Variants in RAD50 observed in about 807,000 individuals in gnomAD.
RAD50 encodes RAD50 double strand break repair protein.
Under a neutral mutation model 168.8 loss-of-function variants are expected in RAD50, and 132 were observed. The ratio of observed to expected loss-of-function variants is 0.78; its 90% CI spans 0.68 to 0.90. The LOEUF is 0.90. Among genes scored for constraint, RAD50 ranks in the 40% least tolerant of loss-of-function variants. The pLI is 0.00. For missense variants in RAD50, 1,347 were observed against 1,534.4 expected (o/e 0.88, Z 2.04); for synonymous variants, 525 against 497.4 (o/e 1.06, Z -0.74).
chr5:132,607,547 T>A (rs1316228758), intron 16 of RAD50, among the ~76,000 whole-genome samples: 2 of 152,158 alleles, frequency 1.3e-5, no homozygotes. Flanking sequence ...TTTTATTAAA[T>A]TTTAGATTAC....
rs28903088 is a variant in RAD50, at chr5:132,579,981, G to A, written c.671G>A (p.Arg224His). 1,468 of 1,612,824 alleles carry A rather than the reference G, an allele frequency of 9.1e-4. 2 individuals carry two copies. Among genetic ancestry groups the A allele is most frequent in the Non-Finnish European group, 1.1e-3 (1,258 of 1,179,064 alleles). Residue 224 changes from arginine to histidine, a missense_variant, in exon 5 of 25, where the codon CGT becomes CAT. By Grantham distance (29) the Arg-to-His change is conservative (BLOSUM62 0). This residue lies in a region of RAD50 where 703 missense variants were observed against 767.7 expected (regional missense o/e 0.92). Transcript: ENST00000378823. ...TATAAGGAAAAAGCTTGTGAGATTC[G>A]TGATCAGATTACAAGTAAGGAAGCC... is the stretch of plus-strand genomic sequence containing the variant. Reference protein sequence around the residue: ...KQYKEKACEIRDQITSKEAQL... With the variant: ...KQYKEKACEIHDQITSKEAQL...
At chr5:132,591,086 G>GT (rs138231496) in intron 9 of RAD50, 138 bp from the exon 10 acceptor site, 5 of 866,396 alleles carry the variant, frequency 5.8e-6, no homozygotes, top group Admixed American at 2.2e-5. Context: ...AGTGCCTTAT[G>GT]TTTTTTTCTC....
In RAD50 at chr5:132,603,977, A is replaced by G; in HGVS notation, c.2455A>G (p.Ile819Val). The change falls in exon 15 of 25, where the codon ATA becomes GTA. Residue 819 changes from isoleucine (I) to valine (V), a missense_variant. Physicochemically the swap from Ile to Val is conservative, Grantham distance 29. Coordinates refer to ENST00000378823, the MANE Select transcript of RAD50 (RefSeq NM_005732.4). ...IAQQAAKLQG[I>V]DLDRTVQQVN... ...ACAACAAGCAGCTAAGCTACAAGGA[A>G]TAGACTTAGATCGAACTGTCCAACA... The G allele has an allele frequency of 6.2e-7, 1 of 1,612,700 alleles. No homozygotes were observed. Among genetic ancestry groups the G allele is most frequent in the Non-Finnish European group, 8.5e-7 (1 of 1,178,764 alleles).
chr5:132,619,422 CAG>C (rs71644647), intron 21 of RAD50, among the ~76,000 whole-genome samples: 26,270 of 151,884 alleles, frequency 0.17, 2,554 homozygotes, highest in Middle Eastern at 0.24. Context: ...TGTTTTGGGA[CAG>C]AGTCTCTCTT....
At chr5:132,593,468 C>T (rs1454742387) in intron 11 of RAD50, 1 of 152,112 alleles carries the variant, frequency 6.6e-6, no homozygotes, top group Non-Finnish European at 1.5e-5. Flanking sequence ...TAATTTAGGC[C>T]TCTTGTCCCT....
chr5:132,630,043 CTTT>C (rs753085121), intron 21 of RAD50, among the ~76,000 whole-genome samples: 3 of 141,252 alleles, frequency 2.1e-5, no homozygotes, highest in African/African-American at 2.6e-5. Context: ...TTAGGTAATA[CTTT>C]TTTTTTTTTT....
intron 8 of RAD50, 58 bp downstream of exon 8, chr5:132,588,938 A>G: frequency 6.6e-7 from 1 of 1,524,760 alleles, no homozygotes; most frequent in Non-Finnish European, 9.0e-7. Context: ...CTCTACTTGA[A>G]TTGTTTTAAT....
At chr5:132,582,220 A>G (rs1750517040) in intron 5 of RAD50, among the ~76,000 whole-genome samples, 1 of 152,212 alleles carries the variant, frequency 6.6e-6, no homozygotes, top group African/African-American at 2.4e-5. Flanking sequence ...GGATTTAGTG[A>G]GTGGTGCCAA....
chr5:132,630,929 A>G (rs1751452474), intron 21 of RAD50: 1 of 152,198 alleles, frequency 6.6e-6, no homozygotes, highest in African/African-American at 2.4e-5. Context: ...GGCAGGCTGG[A>G]CAAGCTTGTT....
intron 21 of RAD50, among the ~76,000 whole-genome samples, chr5:132,635,004 C>T (rs1308968561): frequency 6.6e-6 from 1 of 151,996 alleles, no homozygotes; most frequent in Non-Finnish European, 1.5e-5. Context: ...TATGTTTCTC[C>T]TTGCTGTGTC....
chr5:132,590,613 A>G (rs1206970165), intron 9 of RAD50, among the ~76,000 whole-genome samples: 1 of 152,164 alleles, frequency 6.6e-6, no homozygotes, highest in Non-Finnish European at 1.5e-5. Context: ...CTTTTCAGGT[A>G]TTTCCATATT....
intron 1 of RAD50, 108 bp from the exon 2 acceptor site, chr5:132,559,176 T>A: frequency 1.8e-6 from 2 of 1,099,362 alleles, no homozygotes; most frequent in Non-Finnish European, 2.5e-6. Flanking sequence ...TCAGATTTTA[T>A]CTTTTATAGT....
chr5:132,621,037 T>G (rs1041802706), intron 21 of RAD50, among the ~76,000 whole-genome samples: 4 of 152,186 alleles, frequency 2.6e-5, no homozygotes, highest in Non-Finnish European at 4.4e-5. Context: ...TAGACCCACA[T>G]GGTTCAAACC....
At chr5:132,608,916 G>C (rs1159569061) in intron 17 of RAD50, among the ~76,000 whole-genome samples, 191 bp downstream of exon 17, 3 of 152,144 alleles carry the variant, frequency 2.0e-5, no homozygotes, top group African/African-American at 7.2e-5. Flanking sequence ...TTTGCTGCTT[G>C]ATCTACAATA....
rs761802581 is a variant in RAD50, at chr5:132,575,818, A to G, written c.255A>G (p.Gln85=). ...ATGTGAGAGCCCAGATTCGTCTGCAATTTCGTGATGTCAATGGAGAACTTA... is the reference window on the plus strand; with the variant it reads ...ATGTGAGAGCCCAGATTCGTCTGCAGTTTCGTGATGTCAATGGAGAACTTA... The part of the protein sequence containing the change: ...ETDVRAQIRL[Q]FRDVNGELIA... Residue 85 remains glutamine, a synonymous_variant, in exon 3 of 25, where the codon CAA becomes CAG. Coordinates refer to ENST00000378823, the MANE Select transcript of RAD50 (RefSeq NM_005732.4). 4 of 1,602,112 alleles carry G rather than the reference A, an allele frequency of 2.5e-6. No homozygotes were observed. Among genetic ancestry groups the G allele is most frequent in the Admixed American group, 3.3e-5 (2 of 59,986 alleles).
intron 21 of RAD50, among the ~76,000 whole-genome samples, chr5:132,629,806 C>A (rs1011956421): frequency 6.6e-6 from 1 of 152,148 alleles, no homozygotes; most frequent in African/African-American, 2.4e-5. Context: ...TGATTACCAT[C>A]TGTTATTAGT....
At chr5:132,599,644 A>C (rs751652702) in intron 13 of RAD50, among the ~76,000 whole-genome samples, 4 of 152,046 alleles carry the variant, frequency 2.6e-5, no homozygotes, top group Non-Finnish European at 4.4e-5. Context: ...CGAAGCCTCG[A>C]ACTCCTAAGC....
chr5:132,615,899 T>A (rs1751166180), intron 19 of RAD50, 104 bp from the exon 20 acceptor site: 2 of 1,129,254 alleles, frequency 1.8e-6, no homozygotes, highest in Admixed American at 3.6e-5. Context: ...TTCACATGAT[T>A]CTAAGTAAGA....
Position 132,587,566 on chromosome 5 carries a change from G to A in RAD50, c.761G>A (p.Arg254His), listed in dbSNP as rs769196703. The A allele has an allele frequency of 3.1e-5, 50 of 1,612,466 alleles. No homozygotes were observed. The South Asian group carries it at 3.4e-4, about 11-fold the overall frequency. The change falls in exon 6 of 25, where the codon CGT becomes CAT. Residue 254 changes from arginine to histidine, a missense_variant. By Grantham distance (29) the Arg-to-His change is conservative. This residue lies in a region of RAD50 where 703 missense variants were observed against 767.7 expected (regional missense o/e 0.92). Transcript: ENST00000378823. ...GTAATGTTTCTTTATTTTCAGAATC[G>A]TCTAAAAGAAATTGAACATAATCTC... ...YENELDPLKNRLKEIEHNLSK... is the reference protein window; with the variant it reads ...YENELDPLKNHLKEIEHNLSK...
Sources: gnomAD v4.1 joint callset for allele counts (sites outside exome capture counted in the v4.1 genomes callset) on GRCh38, gnomAD v4.1.1 for gene constraint, gnomAD v4.1.1 regional missense constraint, MANE v1.5 for transcripts, NCBI Gene and HGNC (gene_info 2026-07-23, HGNC 2026-07-21) for gene names.